ADD3: variants seen among roughly 807,000 people sequenced by gnomAD.
The protein encoded by ADD3 is adducin 3.
A neutral mutation model predicts 80.2 loss-of-function variants in ADD3; 25 were observed. The ratio of observed to expected loss-of-function variants is 0.31; its 90% confidence interval spans 0.23 to 0.44. The LOEUF (loss-of-function observed/expected upper bound fraction) is 0.44. Among genes scored for constraint, ADD3 ranks in the 20% least tolerant of loss-of-function variants. ADD3 has a pLI of 1.00. For missense variants in ADD3, 829 were observed against 847.5 expected (o/e 0.98, Z 0.27); for synonymous variants, 284 against 289.6 (o/e 0.98, Z 0.20).
intron 1 of ADD3, among the ~76,000 whole-genome samples, chr10:110,083,041 C>T (rs913951247): frequency 2.6e-5 from 4 of 152,076 alleles, no homozygotes; most frequent in African/African-American, 9.7e-5. Flanking sequence ...GTTAATAAAC[C>T]CTTATTGAGT....
intron 1 of ADD3, among the ~76,000 whole-genome samples, chr10:110,043,668 T>C (rs1309223714): frequency 6.6e-6 from 1 of 152,220 alleles, no homozygotes; most frequent in African/African-American, 2.4e-5. Flanking sequence ...TTTCAAATTA[T>C]TGCATCAGGG....
chr10:110,073,445 G>C (rs1241605294), intron 1 of ADD3, among the ~76,000 whole-genome samples: 1 of 152,040 alleles, frequency 6.6e-6, no homozygotes, highest in African/African-American at 2.4e-5. Context: ...CCCGGCCCTA[G>C]TTTTCTTATC....
intron 1 of ADD3, among the ~76,000 whole-genome samples, chr10:110,077,969 T>C (rs1313079828): frequency 6.6e-6 from 1 of 152,172 alleles, no homozygotes; most frequent in East Asian, 1.9e-4. Context: ...TAGACACTCA[T>C]TTGGTGCAAG....
intron 1 of ADD3, among the ~76,000 whole-genome samples, chr10:110,035,069 A>G (rs1000072898): frequency 6.6e-6 from 1 of 152,240 alleles, no homozygotes. Flanking sequence ...GCTTTGGCTT[A>G]CCATTTGCTG....
At chr10:110,123,882 G>A (rs866455488) in intron 9 of ADD3, 135 bp from the exon 10 acceptor site, 3 of 874,772 alleles carry the variant, frequency 3.4e-6, no homozygotes, top group African/African-American at 1.7e-5. Context: ...GTTATGTGGT[G>A]TTTGGAAGGA....
At chr10:110,080,318 C>T (rs1246760849) in intron 1 of ADD3, among the ~76,000 whole-genome samples, 1 of 152,146 alleles carries the variant, frequency 6.6e-6, no homozygotes, top group Non-Finnish European at 1.5e-5. Context: ...TTTAATGTCC[C>T]ACCCAACTTC....
At chr10:110,017,490 G>T (rs1853141725) in intron 1 of ADD3, among the ~76,000 whole-genome samples, 1 of 152,188 alleles carries the variant, frequency 6.6e-6, no homozygotes, top group African/African-American at 2.4e-5. Context: ...ACCCTGGGGC[G>T]TGTGCTTAAA....
intron 1 of ADD3, among the ~76,000 whole-genome samples, chr10:110,099,748 T>A (rs1253183188): frequency 6.6e-6 from 1 of 152,222 alleles, no homozygotes; most frequent in African/African-American, 2.4e-5. Flanking sequence ...AAAACTAGAA[T>A]TCTGTATATA....
intron 1 of ADD3, chr10:109,997,721 G>A (rs898345232): frequency 2.6e-5 from 4 of 152,190 alleles, no homozygotes; most frequent in Non-Finnish European, 4.4e-5. Flanking sequence ...TTACACAGAT[G>A]CCACTGAAAT....
intron 12 of ADD3, among the ~76,000 whole-genome samples, chr10:110,127,003 C>G (rs1852259606): frequency 6.6e-6 from 1 of 152,156 alleles, no homozygotes; most frequent in South Asian, 2.1e-4. Flanking sequence ...TAATTGTTCC[C>G]AATTTCAGAG....
At chr10:110,055,452 G>A (rs1190420442) in intron 1 of ADD3, among the ~76,000 whole-genome samples, 1 of 152,182 alleles carries the variant, frequency 6.6e-6, no homozygotes, top group Non-Finnish European at 1.5e-5. Context: ...AATATGGGTT[G>A]CTGAGTTTCA....
chr10:110,108,943 C>G (rs1470454702), intron 2 of ADD3, among the ~76,000 whole-genome samples: 1 of 152,104 alleles, frequency 6.6e-6, no homozygotes, highest in Non-Finnish European at 1.5e-5. Context: ...CGTATTTTCC[C>G]TCTTACTCTT....
chr10:110,007,049 G>T (rs1851693308), upstream of ADD3, among the ~76,000 whole-genome samples: 1 of 152,118 alleles, frequency 6.6e-6, no homozygotes, highest in Admixed American at 6.5e-5. Context: ...AGGTTGGGAT[G>T]AGAAACATGT....
intron 1 of ADD3, among the ~76,000 whole-genome samples, chr10:110,062,723 C>T (rs1188500625): frequency 6.6e-6 from 1 of 152,190 alleles, no homozygotes; most frequent in African/African-American, 2.4e-5. Flanking sequence ...TTCCTCCCAG[C>T]CTTTGCTCTT....
intron 1 of ADD3, among the ~76,000 whole-genome samples, chr10:110,044,134 G>A (rs752026735): frequency 1.7e-4 from 26 of 152,132 alleles, no homozygotes; most frequent in Admixed American, 1.6e-3. Context: ...CCTGGGAGGC[G>A]GAGGTTGCAG....
intron 1 of ADD3, among the ~76,000 whole-genome samples, chr10:110,018,411 C>A (rs1853249438): frequency 6.6e-6 from 1 of 151,434 alleles, no homozygotes; most frequent in Non-Finnish European, 1.5e-5. Context: ...GCCTGTAATC[C>A]CAGCTACTTG....
chr10:110,132,381 T>C lies in ADD3; in HGVS notation c.1809T>C (p.Asn603=), dbSNP rs145546475. 9.7e-5 allele frequency: 156 copies of C among 1,612,808 alleles called. 1 individual carries two copies. Among genetic ancestry groups the C allele is most frequent in the Non-Finnish European group, 1.3e-4 (153 of 1,179,056 alleles). Residue 603 remains asparagine (N), a synonymous_variant, in exon 14 of 15, where the codon AAT becomes AAC. Transcript: ENST00000356080. ...QIQSQTQSPQ[N]VPEKLEENHE... is the part of the protein sequence containing the mutation. The stretch of plus-strand genomic sequence containing the variant: ...AGTCTCAAACTCAGTCACCGCAAAA[T>C]GTCCCTGAAAAATTAGAAGGTACTC...
chr10:110,061,731 C>T (rs1047068954), intron 1 of ADD3, among the ~76,000 whole-genome samples: 1 of 152,170 alleles, frequency 6.6e-6, no homozygotes, highest in Non-Finnish European at 1.5e-5. Context: ...GAGATACATT[C>T]TACACTAGAC....
At chr10:110,034,272 A>C (rs1207170317) in intron 1 of ADD3, among the ~76,000 whole-genome samples, 7 of 152,120 alleles carry the variant, frequency 4.6e-5, no homozygotes, top group Admixed American at 4.6e-4. Flanking sequence ...AGTATTCATA[A>C]GGTCATTTTA....
Sources: gnomAD v4.1 joint callset for allele counts (sites outside exome capture counted in the v4.1 genomes callset) on GRCh38, gnomAD v4.1.1 for gene constraint, MANE v1.5 for transcripts, NCBI Gene and HGNC (gene_info 2026-07-23, HGNC 2026-07-21) for gene names.